Variants in DGKK observed in about 807,000 individuals in gnomAD.
The protein encoded by DGKK is diacylglycerol kinase kappa.
Under a neutral mutation model 92.2 loss-of-function variants are expected in DGKK, and 35 were observed. The ratio of observed to expected loss-of-function variants is 0.38; its 90% confidence interval spans 0.29 to 0.50. The LOEUF (loss-of-function observed/expected upper bound fraction) is 0.50. DGKK is among the 20% of genes least tolerant of loss of function. The pLI is 0.92. For synonymous variants in DGKK, 368 were observed against 360.6 expected, an observed-to-expected ratio of 1.02 and a Z score of -0.23; for missense variants, 910 against 992.2, an observed-to-expected ratio of 0.92 and a Z score of 1.11.
chrX:50,410,478 C>G (rs1228541140), intron 4 of DGKK, among the ~76,000 whole-genome samples: 5 of 112,169 alleles, frequency 4.5e-5, no homozygotes, highest in African/African-American at 1.6e-4. Context: ...CGATATTTAG[C>G]TGAGGATATT....
intron 1 of DGKK, among the ~76,000 whole-genome samples, chrX:50,450,229 G>A (rs1557232359): frequency 8.9e-6 from 1 of 112,437 alleles, no homozygotes; most frequent in Non-Finnish European, 1.9e-5. Context: ...GGAAGTCCAA[G>A]GCCAAGCCAT....
chrX:50,424,746 AG>A (rs1557229511), intron 1 of DGKK, among the ~76,000 whole-genome samples: 1 of 111,695 alleles, frequency 9.0e-6, no homozygotes, highest in Non-Finnish European at 1.9e-5. Flanking sequence ...AGCTCCAGAC[AG>A]GGCTCTCCTG....
chrX:50,463,324 T>C (rs1204963419), intron 1 of DGKK, among the ~76,000 whole-genome samples: 9 of 85,241 alleles, frequency 1.1e-4, no homozygotes, highest in African/African-American at 3.9e-4. Context: ...CCCCTTTCTT[T>C]TTCCCTCTCC....
Position 50,383,346 on chromosome X carries a change from G to C in DGKK, c.2550-743C>G, listed in dbSNP as rs1924457745. The stretch of plus-strand genomic sequence containing the variant: ...TTAAACACTTTGCCAGTGCACTATT[G>C]ATCAAAATTCATTAGGTAGATCCAT... On this transcript the variant is annotated intron_variant, in intron 17 of 27. Transcript: ENST00000611977. 2.7e-5 allele frequency among the ~76,000 whole-genome samples: 3 copies of C among 111,608 alleles called. No homozygotes were observed. In the Admixed American group the frequency reaches 2.9e-4, roughly 11 times the overall value.
Position 50,370,436 on chromosome X carries a change from C to T in DGKK, c.3726G>A (p.Gln1242=). Residue 1242 remains glutamine, a synonymous_variant, in exon 27 of 28, where the codon CAG becomes CAA. Coordinates refer to ENST00000611977, the MANE Select transcript of DGKK (RefSeq NM_001013742.4). ...ERKPKSGQSV[Q]SFIGNLWHRR... is the part of the protein sequence containing the mutation. ...GTGGGGGAGACTTACCAATAAAACT[C>T]TGGACACTCTGGCCTGATTTAGGCT... 8.4e-7 allele frequency: 1 copy of T among 1,190,760 alleles called. No individual in the cohort carries two copies. The highest frequency in any genetic ancestry group is 1.1e-6 in the Non-Finnish European group (1 of 884,281).
At chrX:50,402,482 A>T (rs1925034635) in intron 7 of DGKK, among the ~76,000 whole-genome samples, 1 of 111,140 alleles carries the variant, frequency 9.0e-6, no homozygotes, top group South Asian at 3.9e-4. Context: ...ATGAATCAAG[A>T]CTCTTGCTTA....
rs1924443365 is a variant in DGKK, at chrX:50,382,687, A to G, written c.2550-84T>C. ...TTGGGCATGAAGATGAATCTGCATG[A>G]TGGAAAACCAGTGAGGGAAGGCCCC... On this transcript the variant is annotated intron_variant, in intron 17 of 27. Transcript: ENST00000611977. 3.9e-6 allele frequency: 3 copies of G among 760,437 alleles called. No individual in the cohort carries two copies. The South Asian group carries it at 8.3e-5, about 21-fold the overall frequency. The allele number at this position is 760,437 out of a possible 1,213,427, so 62.7% of individuals were successfully genotyped here.
rs781907362 is a variant in DGKK at position 50,456,635 on chromosome X, G to C, written c.645+13399C>G. 5.1e-4 allele frequency among the ~76,000 whole-genome samples: 57 copies of C among 111,279 alleles called. 1 individual carries two copies. Among genetic ancestry groups the C allele is most frequent in the Non-Finnish European group, 8.9e-4 (47 of 52,966 alleles). On this transcript the variant is annotated intron_variant, in intron 1 of 27. Transcript: ENST00000611977. ...AGTATTTTAATAAATGTGCATTTTGGATTTTTTTAAGAACTGGGGAGATAA... is the reference window on the plus strand; with the variant it reads ...AGTATTTTAATAAATGTGCATTTTGCATTTTTTTAAGAACTGGGGAGATAA...
chrX:50,384,942 C>T (rs1924509716), intron 15 of DGKK, 118 bp from the exon 16 acceptor site: 12 of 534,205 alleles, frequency 2.2e-5, no homozygotes, highest in East Asian at 3.6e-5. Flanking sequence ...GAACATTTAT[C>T]GAGCATCTAT....
At chrX:50,403,795 G>A (rs1925074333) in intron 5 of DGKK, among the ~76,000 whole-genome samples, 198 bp from the exon 6 acceptor site, 1 of 111,651 alleles carries the variant, frequency 9.0e-6, no homozygotes, top group African/African-American at 3.3e-5. Flanking sequence ...CAACTTGAAT[G>A]AAAATTGATG....
chrX:50,382,004 T>C (rs1297936873), intron 18 of DGKK, among the ~76,000 whole-genome samples: 2 of 111,664 alleles, frequency 1.8e-5, no homozygotes, highest in African/African-American at 6.5e-5. Context: ...AGGCCTTGTC[T>C]GAAGTATGAA....
intron 12 of DGKK, 60 bp from the exon 13 acceptor site, chrX:50,388,678 C>T: frequency 1.2e-6 from 1 of 821,511 alleles, no homozygotes; most frequent in Admixed American, 2.8e-5. Flanking sequence ...GTGTGCTGCC[C>T]ATCCTCATCC....
intron 3 of DGKK, 119 bp from the exon 4 acceptor site, chrX:50,420,626 GA>G (rs1925559378): frequency 1.8e-6 from 1 of 561,938 alleles, no homozygotes; most frequent in African/African-American, 2.3e-5. Flanking sequence ...GCCACTTCTT[GA>G]ATATAAGACA....
chrX:50,403,691 G>C, intron 5 of DGKK, 94 bp from the exon 6 acceptor site: 6 of 739,760 alleles, frequency 8.1e-6, no homozygotes, highest in Non-Finnish European at 1.2e-5. Context: ...TTAGAACACA[G>C]ATGCATTCTA....
intron 1 of DGKK, 55 bp from the exon 2 acceptor site, chrX:50,424,413 A>C: frequency 9.5e-7 from 1 of 1,057,751 alleles, no homozygotes; most frequent in East Asian, 3.0e-5. Context: ...AGGTCATATC[A>C]CTTGTTTTCT....
chrX:50,403,809 A>C (rs782729988), intron 5 of DGKK, among the ~76,000 whole-genome samples: 2 of 111,926 alleles, frequency 1.8e-5, no homozygotes, highest in East Asian at 5.6e-4. Flanking sequence ...ATTGATGGTA[A>C]GAATGAGGTG....
intron 1 of DGKK, among the ~76,000 whole-genome samples, chrX:50,460,086 C>G (rs1157445533): frequency 1.8e-5 from 2 of 111,836 alleles, no homozygotes; most frequent in African/African-American, 6.5e-5. Context: ...AGAAACTACT[C>G]TTAGAGTTGG....
chrX:50,464,632 G>C (rs955718313), intron 1 of DGKK, among the ~76,000 whole-genome samples: 20 of 109,545 alleles, frequency 1.8e-4, no homozygotes, highest in Middle Eastern at 4.7e-3. Context: ...CCTTGGCGAG[G>C]TTGAAGATCC....
At position 50,470,085 on chromosome X, in the gene DGKK, C is replaced by T; in HGVS notation, c.594G>A (p.Ser198=). The T allele has an allele frequency of 2.5e-6, 3 of 1,210,412 alleles. No individual in the cohort carries two copies. Among genetic ancestry groups the T allele is most frequent in the Non-Finnish European group, 3.4e-6 (3 of 894,541 alleles). ...TRERGLKTSP[S]PSPSPSPRTP... ...TTCTGGGCGATGGCGATGGCGATGG[C>T]GATGGCGAGGTCTTTAGACCTCTCT... is the stretch of plus-strand genomic sequence containing the variant. Residue 198 remains serine (S), a synonymous_variant, in exon 1 of 28, where the codon TCG becomes TCA. Transcript: ENST00000611977.
Sources: gnomAD v4.1 joint callset for allele counts (sites outside exome capture counted in the v4.1 genomes callset) on GRCh38, gnomAD v4.1.1 for gene constraint, MANE v1.5 for transcripts, NCBI Gene and HGNC (gene_info 2026-07-23, HGNC 2026-07-21) for gene names.